The following HS3ST5 variants were observed in gnomAD, a reference collection of about 807,000 sequenced individuals.
The protein encoded by HS3ST5 is heparan sulfate-glucosamine 3-sulfotransferase 5, also known as heparan sulfate glucosamine 3-O-sulfotransferase 5.
In HS3ST5, 10 loss-of-function variants were observed where a neutral mutation model predicts 25.4. That is an observed-to-expected ratio of 0.39 (90% confidence interval 0.24 to 0.67). The LOEUF (loss-of-function observed/expected upper bound fraction) is 0.67, where lower values mean the gene tolerates loss of function less well. Ranked by LOEUF, HS3ST5 falls within the 30% of genes least tolerant of loss-of-function variation. HS3ST5 has a pLI of 0.44. For synonymous variants in HS3ST5, 170 were observed against 162.4 expected, an observed-to-expected ratio of 1.05 and a Z score of -0.36; for missense variants, 324 against 420.7, an observed-to-expected ratio of 0.77 and a Z score of 2.01.
intron 3 of HS3ST5, among the ~76,000 whole-genome samples, chr6:114,066,530 G>A (rs1773456385): frequency 1.3e-5 from 2 of 152,180 alleles, no homozygotes; most frequent in African/African-American, 4.8e-5. Context: ...CTACTCTGGA[G>A]GCTGAGGTGG....
At chr6:114,084,090 T>C (rs74954257) in intron 3 of HS3ST5, 46 of 580,258 alleles carry the variant, frequency 7.9e-5, no homozygotes, top group East Asian at 1.7e-4. Flanking sequence ...CTTTTCTTTT[T>C]TTTTTTTTTT....
At chr6:114,248,777 T>C (rs1003904443) in intron 1 of HS3ST5, among the ~76,000 whole-genome samples, 1 of 152,194 alleles carries the variant, frequency 6.6e-6, no homozygotes, top group Admixed American at 6.5e-5. Context: ...TTTAGGAAAA[T>C]AAAAGTTACA....
intron 1 of HS3ST5, among the ~76,000 whole-genome samples, chr6:114,265,718 T>C (rs1773376249): frequency 6.6e-6 from 1 of 152,186 alleles, no homozygotes; most frequent in Non-Finnish European, 1.5e-5. Context: ...ATCTTACTAA[T>C]ATACCTAACA....
rs1240255062 is a variant in HS3ST5 at position 114,249,735 on chromosome 6, T to A, written c.-338-20957A>T. On this transcript the variant is annotated intron_variant, in intron 1 of 4. Transcript: ENST00000312719. ...CCAGCTAAGTCAAGAGTTCCCATGATAACCTGGGGCCTCTGTCATGACAGT... is the reference window on the plus strand; with the variant it reads ...CCAGCTAAGTCAAGAGTTCCCATGAAAACCTGGGGCCTCTGTCATGACAGT... 2.6e-5 allele frequency among the ~76,000 whole-genome samples: 4 copies of A among 152,336 alleles called. 1 individual carries two copies. The East Asian group carries it at 7.7e-4, about 29-fold the overall frequency.
intron 1 of HS3ST5, among the ~76,000 whole-genome samples, chr6:114,310,215 G>A (rs1775470195): frequency 6.6e-6 from 1 of 152,170 alleles, no homozygotes; most frequent in African/African-American, 2.4e-5. Context: ...CCGAGTAGGT[G>A]GCAAGCTCCT....
chr6:114,321,323 T>G (rs1290748640), intron 1 of HS3ST5, among the ~76,000 whole-genome samples: 1 of 152,120 alleles, frequency 6.6e-6, no homozygotes, highest in Non-Finnish European at 1.5e-5. Flanking sequence ...TGAAATTTCC[T>G]GTCCTCTTTC....
chr6:114,102,332 C>T (rs956515214), intron 3 of HS3ST5, among the ~76,000 whole-genome samples: 4 of 152,170 alleles, frequency 2.6e-5, no homozygotes, highest in East Asian at 1.9e-4. Context: ...ATTCCCAGAA[C>T]GTAAGCTGGT....
At chr6:114,083,963 TGAATG>T (rs1439873562) in intron 3 of HS3ST5, among the ~76,000 whole-genome samples, 1 of 152,188 alleles carries the variant, frequency 6.6e-6, no homozygotes, top group Non-Finnish European at 1.5e-5. Flanking sequence ...TCTAATATGT[TGAATG>T]GTATTATCCA....
At chr6:114,249,758 A>T (rs1194895502) in intron 1 of HS3ST5, among the ~76,000 whole-genome samples, 1 of 152,184 alleles carries the variant, frequency 6.6e-6, no homozygotes, top group African/African-American at 2.4e-5. Flanking sequence ...CTGTCATGAC[A>T]GTGTTACAGA....
chr6:114,267,970 A>C (rs1773480468), intron 1 of HS3ST5, among the ~76,000 whole-genome samples: 1 of 152,216 alleles, frequency 6.6e-6, no homozygotes, highest in African/African-American at 2.4e-5. Context: ...TACAAAATTT[A>C]TCATCTTTCC....
At chr6:114,298,321 T>C (rs1018559095) in intron 1 of HS3ST5, among the ~76,000 whole-genome samples, 1 of 152,240 alleles carries the variant, frequency 6.6e-6, no homozygotes, top group Non-Finnish European at 1.5e-5. Context: ...AGAAGATCCA[T>C]CAGAATTTGT....
rs114977671 is a variant in HS3ST5 at position 114,119,085 on chromosome 6, T to C, written c.-33+49266A>G. Among the ~76,000 whole-genome samples the C allele has an allele frequency of 3.5e-3, 528 of 152,330 alleles. 5 individuals are homozygous for C. The highest frequency in any genetic ancestry group is 0.012 in the African/African-American group (518 of 41,576). ...GTCCCTATGAGACAATTCACCTGAT[T>C]CAAAAAGAACGAAGGCACTAAAGGA... On this transcript the variant is annotated intron_variant, in intron 3 of 4. Coordinates refer to ENST00000312719, the MANE Select transcript of HS3ST5 (RefSeq NM_153612.4).
chr6:114,240,311 A>G (rs1348609848), intron 1 of HS3ST5, among the ~76,000 whole-genome samples: 2 of 152,166 alleles, frequency 1.3e-5, no homozygotes, highest in Non-Finnish European at 2.9e-5. Flanking sequence ...GCACCAATTC[A>G]TAAAGCACTG....
chr6:114,270,320 T>C (rs1409829033), intron 1 of HS3ST5, among the ~76,000 whole-genome samples: 1 of 152,178 alleles, frequency 6.6e-6, no homozygotes, highest in Admixed American at 6.5e-5. Context: ...CAAAGTATTA[T>C]GATTTCATTG....
At chr6:114,224,720 A>C (rs1483307646) in intron 2 of HS3ST5, among the ~76,000 whole-genome samples, 7 of 150,750 alleles carry the variant, frequency 4.6e-5, no homozygotes, top group East Asian at 1.9e-4. Context: ...ACACACACAC[A>C]CCGACTTCTT....
intron 1 of HS3ST5, among the ~76,000 whole-genome samples, chr6:114,321,325 T>A (rs1166356607): frequency 6.6e-6 from 1 of 152,084 alleles, no homozygotes; most frequent in Non-Finnish European, 1.5e-5. Context: ...AAATTTCCTG[T>A]CCTCTTTCCC....
intron 1 of HS3ST5, among the ~76,000 whole-genome samples, chr6:114,282,493 T>TTCTC (rs1472334325): frequency 6.6e-6 from 1 of 151,998 alleles, no homozygotes; most frequent in African/African-American, 2.4e-5. Flanking sequence ...ATGTCCAATT[T>TTCTC]TCTCGGTCTG....
At position 114,078,534 on chromosome 6, in the gene HS3ST5, GC is replaced by G. The variant is rs1361742135; in HGVS notation, c.-32-15658del. 1.4e-4 allele frequency among the ~76,000 whole-genome samples: 22 copies of G among 152,118 alleles called. 1 individual carries two copies. Among genetic ancestry groups the G allele is most frequent in the Admixed American group, 1.4e-3 (22 of 15,268 alleles). On this transcript the variant is annotated intron_variant, in intron 3 of 4. Coordinates refer to ENST00000312719, the MANE Select transcript of HS3ST5 (RefSeq NM_153612.4). ...TCAAAATACTATCCATTTGTATAGT[GC>G]TTTTTCAGTTTTTAAAGCACAAGTT... is the stretch of plus-strand genomic sequence containing the variant.
intron 1 of HS3ST5, among the ~76,000 whole-genome samples, chr6:114,332,730 C>T (rs886444257): frequency 2.0e-5 from 3 of 151,918 alleles, no homozygotes; most frequent in Non-Finnish European, 4.4e-5. Flanking sequence ...AGAAAGATAG[C>T]CCATCCTGGC....
Sources: gnomAD v4.1 joint callset for allele counts (sites outside exome capture counted in the v4.1 genomes callset) on GRCh38, gnomAD v4.1.1 for gene constraint, MANE v1.5 for transcripts, NCBI Gene and HGNC (gene_info 2026-07-23, HGNC 2026-07-21) for gene names.